The following TENM3 variants were observed in gnomAD, a reference collection of about 807,000 sequenced individuals.
The protein encoded by TENM3 is teneurin-3.
In TENM3, 63 loss-of-function variants were observed where a neutral mutation model predicts 255.1. That is an observed-to-expected ratio of 0.25 (90% CI 0.20 to 0.30). The LOEUF is 0.30. TENM3 is among the 10% of genes least tolerant of loss of function. The pLI, the probability that TENM3 is intolerant of heterozygous loss-of-function variation, is 1.00. For synonymous variants in TENM3, 1,306 were observed against 1,322.3 expected, an observed-to-expected ratio of 0.99 and a Z score of 0.27; for missense variants, 2,929 against 3,461.1, an observed-to-expected ratio of 0.85 and a Z score of 3.86.
At chr4:182,069,686 AACACACACACACACAC>A in the TENM3 span, among the ~76,000 whole-genome samples, 4 of 149,450 alleles carry the variant, frequency 2.7e-5, no homozygotes, top group African/African-American at 7.4e-5. Flanking sequence ...TAGATGCATA[AACACACACACACACAC>A]ACACACACAC....
intron 3 of TENM3, among the ~76,000 whole-genome samples, chr4:182,532,150 A>C (rs1314388012): frequency 1.3e-5 from 2 of 152,220 alleles, no homozygotes; most frequent in Non-Finnish European, 2.9e-5. Flanking sequence ...GTAAGCTAAA[A>C]TTTTTGTCTG....
At chr4:182,685,849 T>G (rs1303139913) in intron 11 of TENM3, among the ~76,000 whole-genome samples, 1 of 152,116 alleles carries the variant, frequency 6.6e-6, no homozygotes, top group East Asian at 1.9e-4. Context: ...AATTATTTTA[T>G]AAAGGGTAGT....
chr4:182,567,842 C>CAAAAAAAAAAAAAAAA (rs199801857), intron 3 of TENM3, among the ~76,000 whole-genome samples: 1 of 127,278 alleles, frequency 7.9e-6, no homozygotes. Flanking sequence ...GAATGTAATC[C>CAAAAAAAAAAAAAAAA]AAAAAAAAAA....
intron 3 of TENM3, among the ~76,000 whole-genome samples, chr4:182,550,435 G>T (rs972770204): frequency 2.6e-5 from 4 of 151,950 alleles, no homozygotes; most frequent in Non-Finnish European, 5.9e-5. Context: ...AGTCACTCCT[G>T]TTGTTTTTCT....
chr4:182,606,144 T>C (rs894373598), intron 4 of TENM3, among the ~76,000 whole-genome samples: 4 of 152,214 alleles, frequency 2.6e-5, no homozygotes, highest in African/African-American at 9.7e-5. Context: ...CTCCAAAATA[T>C]GTAGCTCCTA....
intron 7 of TENM3, among the ~76,000 whole-genome samples, chr4:182,679,205 A>G (rs1349191235): frequency 7.0e-6 from 1 of 143,748 alleles, no homozygotes; most frequent in East Asian, 2.0e-4. Flanking sequence ...ACTTAAAATA[A>G]AATTTAAAAA....
chr4:182,673,251 A>T lies in TENM3; in HGVS notation c.1326+32A>T, dbSNP rs776970130. The T allele has an allele frequency of 2.1e-6, 3 of 1,450,184 alleles. No homozygotes were observed. In the East Asian group the frequency reaches 6.9e-5, roughly 33 times the overall value. The allele number at this position is 1,450,184 out of a possible 1,614,324, so 89.8% of individuals were successfully genotyped here. A position where few individuals can be genotyped will look rare whatever the true frequency, so the allele number is the denominator to read the frequency against. On this transcript the variant is annotated intron_variant, in intron 7 of 27. Coordinates refer to ENST00000511685, the MANE Select transcript of TENM3 (RefSeq NM_001080477.4). ...CTAGGCTTTCTTATCAATAAAATAA[A>T]AACTGCCAGTTGCATTTTTTGAAAT...
the TENM3 span, among the ~76,000 whole-genome samples, chr4:181,912,592 AG>A: frequency 6.6e-6 from 1 of 151,984 alleles, no homozygotes; most frequent in Admixed American, 6.6e-5. Context: ...CAGGAGTTCA[AG>A]ACCAGCCTGG....
At chr4:181,604,695 G>A in the TENM3 span, among the ~76,000 whole-genome samples, 5 of 152,152 alleles carry the variant, frequency 3.3e-5, no homozygotes, top group African/African-American at 1.2e-4. Context: ...AAACAGAAAG[G>A]TAAGAATGCT....
At chr4:182,436,631 T>C (rs74649853) in intron 3 of TENM3, among the ~76,000 whole-genome samples, 1 of 152,204 alleles carries the variant, frequency 6.6e-6, no homozygotes, top group Non-Finnish European at 1.5e-5. Flanking sequence ...GATATGGCTG[T>C]GGTTAGATCC....
chr4:182,647,637 TG>T (rs1160898402), intron 5 of TENM3, among the ~76,000 whole-genome samples: 1 of 152,230 alleles, frequency 6.6e-6, no homozygotes, highest in Non-Finnish European at 1.5e-5. Context: ...GATGGGCATT[TG>T]GGTTGCTTCC....
chr4:182,777,508 T>TG (rs1491336226), intron 24 of TENM3, among the ~76,000 whole-genome samples: 8 of 134,098 alleles, frequency 6.0e-5, no homozygotes, highest in African/African-American at 2.3e-4. Context: ...ACATAATGTG[T>TG]TTATGTGTGT....
chr4:181,807,688 AG>A, the TENM3 span, among the ~76,000 whole-genome samples: 1 of 152,220 alleles, frequency 6.6e-6, no homozygotes, highest in Admixed American at 6.5e-5. Flanking sequence ...CTTCCAGTAT[AG>A]GATTATTTTT....
chr4:181,752,226 G>A, the TENM3 span, among the ~76,000 whole-genome samples: 2 of 152,250 alleles, frequency 1.3e-5, no homozygotes, highest in East Asian at 1.9e-4. Context: ...CACCCATAAC[G>A]TAAGTTGTTG....
intron 3 of TENM3, among the ~76,000 whole-genome samples, chr4:182,539,691 T>C (rs1740672147): frequency 2.0e-5 from 3 of 152,240 alleles, no homozygotes; most frequent in Non-Finnish European, 4.4e-5. Flanking sequence ...ATTAACTTCA[T>C]TCCTTCATTC....
chr4:182,654,148 G>A (rs1344516007), intron 6 of TENM3, among the ~76,000 whole-genome samples: 1 of 152,084 alleles, frequency 6.6e-6, no homozygotes, highest in Non-Finnish European at 1.5e-5. Context: ...TTCTGCAGAT[G>A]TATATTGAGT....
Position 182,800,294 on chromosome 4 carries a change from G to C in TENM3, c.8043G>C (p.Leu2681=). The stretch of plus-strand genomic sequence containing the variant: ...TCTCGGTGGAGCAGTACCCCGAGCT[G>C]GCCGACAGCGCCAACAACATCCAGT... The part of the protein sequence containing the change: ...YVLSVEQYPE[L]ADSANNIQFL... The change falls in exon 28 of 28, where the codon CTG becomes CTC. Residue 2681 remains leucine, a synonymous_variant. Transcript: ENST00000511685. 6.4e-7 allele frequency: 1 copy of C among 1,573,682 alleles called. No homozygotes were observed. Among genetic ancestry groups the C allele is most frequent in the Non-Finnish European group, 8.6e-7 (1 of 1,168,554 alleles).
intron 3 of TENM3, among the ~76,000 whole-genome samples, chr4:182,573,763 A>T (rs78795063): frequency 0.54 from 81,202 of 151,618 alleles, 23,389 homozygotes; most frequent in Non-Finnish European, 0.64. Context: ...AAAAGAAAGG[A>T]GAACTATAGT....
chr4:181,809,314 G>A, the TENM3 span, among the ~76,000 whole-genome samples: 1 of 152,114 alleles, frequency 6.6e-6, no homozygotes, highest in African/African-American at 2.4e-5. Context: ...CATAAATTTC[G>A]TTTTTAAAAT....
Sources: gnomAD v4.1 joint callset for allele counts (sites outside exome capture counted in the v4.1 genomes callset) on GRCh38, gnomAD v4.1.1 for gene constraint, MANE v1.5 for transcripts, NCBI Gene and HGNC (gene_info 2026-07-23, HGNC 2026-07-21) for gene names.